Variants in LINGO2 observed in about 807,000 individuals in gnomAD.
LINGO2 encodes the protein leucine-rich repeat and immunoglobulin-like domain-containing nogo receptor-interacting protein 2.
Under a neutral mutation model 30.6 loss-of-function variants are expected in LINGO2, and 14 were observed. The observed-to-expected ratio is 0.46, with a 90% CI of 0.30 to 0.72. LINGO2 has a LOEUF of 0.72. Among genes scored for constraint, LINGO2 ranks in the 30% least tolerant of loss-of-function variants. LINGO2 has a pLI of 0.07. For synonymous variants in LINGO2, 317 were observed against 288.5 expected, an observed-to-expected ratio of 1.10 and a Z score of -1.00; for missense variants, 729 against 751.7, an observed-to-expected ratio of 0.97 and a Z score of 0.35.
chr9:28,056,645 CA>C (rs1824950976), intron 4 of LINGO2, among the ~76,000 whole-genome samples: 1 of 152,270 alleles, frequency 6.6e-6, no homozygotes, highest in African/African-American at 2.4e-5. Context: ...TTAGGATCTG[CA>C]GCTCTAAGAA....
chr9:29,179,888 T>C, the LINGO2 span, among the ~76,000 whole-genome samples: 1 of 152,222 alleles, frequency 6.6e-6, no homozygotes, highest in Admixed American at 6.5e-5. Flanking sequence ...GTCATTGCTA[T>C]AATAGGAACT....
chr9:28,699,619 C>T, the LINGO2 span, among the ~76,000 whole-genome samples: 6 of 151,980 alleles, frequency 3.9e-5, no homozygotes, highest in Middle Eastern at 3.4e-3. Context: ...CCTGTGGGGT[C>T]GGGCAAAATA....
At chr9:28,890,482 C>G in the LINGO2 span, among the ~76,000 whole-genome samples, 1 of 151,996 alleles carries the variant, frequency 6.6e-6, no homozygotes, top group Non-Finnish European at 1.5e-5. Context: ...ATGAATACAG[C>G]CTCAACTACT....
chr9:28,219,727 T>A (rs1169773563), intron 4 of LINGO2, among the ~76,000 whole-genome samples: 2 of 152,198 alleles, frequency 1.3e-5, no homozygotes, highest in African/African-American at 4.8e-5. Context: ...AGAACAGCAT[T>A]TACAAAGTAT....
chr9:28,382,237 T>C (rs955592752), intron 2 of LINGO2, among the ~76,000 whole-genome samples: 1 of 152,160 alleles, frequency 6.6e-6, no homozygotes, highest in Admixed American at 6.6e-5. Context: ...TATTAAGCTA[T>C]CTCAGCTGGC....
chr9:29,133,295 G>A, the LINGO2 span, among the ~76,000 whole-genome samples: 1 of 152,150 alleles, frequency 6.6e-6, no homozygotes, highest in Non-Finnish European at 1.5e-5. Context: ...GTGGGACAGG[G>A]AGGGATTGGG....
the LINGO2 span, among the ~76,000 whole-genome samples, chr9:28,838,799 C>T: frequency 3.3e-5 from 5 of 152,336 alleles, no homozygotes; most frequent in Non-Finnish European, 5.9e-5. Flanking sequence ...GCAGGCTACA[C>T]TTGGCTATGT....
At chr9:28,718,498 T>G in the LINGO2 span, among the ~76,000 whole-genome samples, 1 of 152,040 alleles carries the variant, frequency 6.6e-6, no homozygotes, top group Non-Finnish European at 1.5e-5. Context: ...GCCTGATTAC[T>G]TACTTCATAA....
chr9:29,072,087 T>C, the LINGO2 span, among the ~76,000 whole-genome samples: 1 of 152,064 alleles, frequency 6.6e-6, no homozygotes, highest in South Asian at 2.1e-4. Flanking sequence ...CACTAGAAAG[T>C]TGGGCAAACT....
chr9:28,301,411 T>C (rs66948103), intron 3 of LINGO2, among the ~76,000 whole-genome samples: 8,543 of 151,964 alleles, frequency 0.056, 307 homozygotes, highest in East Asian at 0.19. Context: ...AGAAATCCTT[T>C]CTAGTGGGGA....
intron 2 of LINGO2, among the ~76,000 whole-genome samples, chr9:28,420,573 C>G (rs910454767): frequency 2.4e-4 from 36 of 152,106 alleles, no homozygotes; most frequent in African/African-American, 8.7e-4. Context: ...TAAGGCAGAT[C>G]AAGGGGATTA....
At chr9:28,926,814 T>G in the LINGO2 span, among the ~76,000 whole-genome samples, 1 of 152,312 alleles carries the variant, frequency 6.6e-6, no homozygotes, top group South Asian at 2.1e-4. Flanking sequence ...TCTCAGTTAT[T>G]CTAATTGTCT....
At chr9:28,238,123 A>G (rs1319328995) in intron 4 of LINGO2, among the ~76,000 whole-genome samples, 1 of 151,522 alleles carries the variant, frequency 6.6e-6, no homozygotes, top group African/African-American at 2.4e-5. Context: ...CAGCACCCAG[A>G]TATATCAAGC....
intron 3 of LINGO2, among the ~76,000 whole-genome samples, chr9:28,372,576 T>C (rs973019745): frequency 2.0e-5 from 3 of 148,646 alleles, no homozygotes; most frequent in African/African-American, 7.4e-5. Context: ...TAGGCTTTTT[T>C]TCTTGTTAGT....
chr9:28,317,669 T>C (rs993213541), intron 3 of LINGO2, among the ~76,000 whole-genome samples: 2 of 152,148 alleles, frequency 1.3e-5, no homozygotes, highest in Non-Finnish European at 2.9e-5. Flanking sequence ...TCAAAAGACG[T>C]TCATTCTATT....
chr9:28,481,143 G>C (rs1163367970), intron 1 of LINGO2, among the ~76,000 whole-genome samples: 1 of 152,132 alleles, frequency 6.6e-6, no homozygotes, highest in Non-Finnish European at 1.5e-5. Flanking sequence ...AAATGTCTTT[G>C]ATTTACCTTT....
chr9:28,332,756 A>T (rs2134351887), intron 3 of LINGO2, among the ~76,000 whole-genome samples: 1 of 152,298 alleles, frequency 6.6e-6, no homozygotes, highest in Admixed American at 6.5e-5. Flanking sequence ...ATAAGAATTC[A>T]ACGCATGCCT....
At chr9:28,090,690 A>T (rs1290879928) in intron 4 of LINGO2, among the ~76,000 whole-genome samples, 1 of 152,178 alleles carries the variant, frequency 6.6e-6, no homozygotes, top group Non-Finnish European at 1.5e-5. Flanking sequence ...CTCCTATTCA[A>T]CATAGCGTTG....
At chr9:28,884,425 G>A in the LINGO2 span, among the ~76,000 whole-genome samples, 1 of 152,182 alleles carries the variant, frequency 6.6e-6, no homozygotes, top group East Asian at 1.9e-4. Flanking sequence ...GTAATTCTGA[G>A]TTTTGTTAAC....
Sources: gnomAD v4.1 joint callset for allele counts (sites outside exome capture counted in the v4.1 genomes callset) on GRCh38, gnomAD v4.1.1 for gene constraint, MANE v1.5 for transcripts, NCBI Gene and HGNC (gene_info 2026-07-23, HGNC 2026-07-21) for gene names.